The following ZNF704 variants were observed in gnomAD, a reference collection of about 807,000 sequenced individuals.
ZNF704 encodes the protein zinc finger protein 704, also known as glucocorticoid induced gene 1.
A neutral mutation model predicts 44.7 loss-of-function variants in ZNF704; 10 were observed. That is an observed-to-expected ratio of 0.22 (90% CI 0.14 to 0.38). ZNF704 has a LOEUF of 0.38. Ranked by LOEUF, ZNF704 falls within the 10% of genes least tolerant of loss-of-function variation. The pLI, the probability that ZNF704 is intolerant of heterozygous loss-of-function variation, is 1.00. For synonymous variants in ZNF704, 211 were observed against 207.6 expected (o/e 1.02, Z -0.14); for missense variants, 390 against 545.5 (o/e 0.71, Z 2.84).
chr8:80,791,091 A>G (rs1285411748), intron 2 of ZNF704, among the ~76,000 whole-genome samples: 2 of 152,172 alleles, frequency 1.3e-5, no homozygotes, highest in African/African-American at 4.8e-5. Flanking sequence ...GGTTCAGTAA[A>G]TGCATGAAAT....
intron 1 of ZNF704, among the ~76,000 whole-genome samples, chr8:80,830,740 GGT>G (rs1404608491): frequency 6.8e-6 from 1 of 146,908 alleles, no homozygotes; most frequent in Admixed American, 6.8e-5. Context: ...TGATATAGAG[GGT>G]GTGTTTCTTT....
intron 4 of ZNF704, among the ~76,000 whole-genome samples, chr8:80,674,677 A>G (rs1170215205): frequency 1.3e-5 from 2 of 151,924 alleles, no homozygotes; most frequent in African/African-American, 4.8e-5. Flanking sequence ...TGACCCAAAC[A>G]CCTCCCACTA....
At chr8:80,851,596 G>C (rs1403142696) in intron 1 of ZNF704, among the ~76,000 whole-genome samples, 1 of 148,482 alleles carries the variant, frequency 6.7e-6, no homozygotes, top group Non-Finnish European at 1.5e-5. Context: ...AGGGCGGAGG[G>C]ATAGCATTAG....
At chr8:80,642,462 T>C (rs1055166964) in intron 8 of ZNF704, among the ~76,000 whole-genome samples, 1 of 152,180 alleles carries the variant, frequency 6.6e-6, no homozygotes, top group Non-Finnish European at 1.5e-5. Context: ...ACAGTGTAGA[T>C]ACACTGAACA....
At chr8:80,851,054 G>A (rs1015981410) in intron 1 of ZNF704, among the ~76,000 whole-genome samples, 2 of 152,144 alleles carry the variant, frequency 1.3e-5, no homozygotes, top group Non-Finnish European at 1.5e-5. Flanking sequence ...TACACACCTA[G>A]GCTATATGGT....
chr8:80,722,712 A>C (rs899327287), intron 2 of ZNF704, among the ~76,000 whole-genome samples: 3 of 152,158 alleles, frequency 2.0e-5, no homozygotes, highest in Non-Finnish European at 4.4e-5. Flanking sequence ...TAGACTCCTC[A>C]ACTTCTATGT....
At chr8:80,747,795 C>T in intron 2 of ZNF704, among the ~76,000 whole-genome samples, 1 of 152,200 alleles carries the variant, frequency 6.6e-6, no homozygotes, top group Admixed American at 6.5e-5. Flanking sequence ...CGGCTCACTA[C>T]AACCTCCACC....
chr8:80,805,773 G>A (rs1420053636), intron 2 of ZNF704, among the ~76,000 whole-genome samples: 1 of 152,060 alleles, frequency 6.6e-6, no homozygotes, highest in Non-Finnish European at 1.5e-5. Context: ...TCCTAGCATG[G>A]TCAGATTTAC....
At chr8:80,648,576 G>T (rs1817867689) in intron 7 of ZNF704, among the ~76,000 whole-genome samples, 1 of 152,142 alleles carries the variant, frequency 6.6e-6, no homozygotes, top group Non-Finnish European at 1.5e-5. Flanking sequence ...CAGAAAACTT[G>T]CAAAATAAAT....
chr8:80,664,707 C>T lies in ZNF704; in HGVS notation c.927+108G>A, dbSNP rs749819761. ...AGAAAAATCAAAGCTACCGGGCTGC[C>T]GTGTGTGATGCTGTTTTTCCACTGA... is the stretch of plus-strand genomic sequence containing the variant. On this transcript the variant is annotated intron_variant, in intron 6 of 8. Coordinates refer to ENST00000327835, the MANE Select transcript of ZNF704 (RefSeq NM_001033723.3). 2.0e-4 allele frequency: 266 copies of T among 1,354,740 alleles called. 1 individual carries two copies. Among genetic ancestry groups the T allele is most frequent in the Non-Finnish European group, 2.5e-4 (245 of 966,480 alleles). The allele number at this position is 1,354,740 out of a possible 1,614,324, so 83.9% of individuals were successfully genotyped here. A position where few individuals can be genotyped will look rare whatever the true frequency, so the allele number is the denominator to read the frequency against.
At chr8:80,840,500 A>G (rs1275575935) in intron 1 of ZNF704, among the ~76,000 whole-genome samples, 2 of 152,226 alleles carry the variant, frequency 1.3e-5, no homozygotes, top group East Asian at 3.8e-4. Flanking sequence ...AATCATAATA[A>G]TAACAGTTCC....
intron 2 of ZNF704, among the ~76,000 whole-genome samples, chr8:80,815,290 G>A (rs1378325474): frequency 6.6e-6 from 1 of 152,120 alleles, no homozygotes; most frequent in Non-Finnish European, 1.5e-5. Context: ...GAATACTTCT[G>A]GCCAAATTTT....
intron 1 of ZNF704, among the ~76,000 whole-genome samples, chr8:80,845,307 AT>A (rs1808751102): frequency 6.6e-6 from 1 of 152,162 alleles, no homozygotes; most frequent in Admixed American, 6.6e-5. Flanking sequence ...TTGCACTTTG[AT>A]TTCCTCACAC....
intron 2 of ZNF704, among the ~76,000 whole-genome samples, chr8:80,697,925 A>T (rs1294568977): frequency 2.0e-5 from 3 of 152,214 alleles, no homozygotes; most frequent in Non-Finnish European, 4.4e-5. Flanking sequence ...TAACTCTGTA[A>T]GAGCTGGCAA....
intron 2 of ZNF704, among the ~76,000 whole-genome samples, chr8:80,747,864 A>G (rs913695990): frequency 6.6e-6 from 1 of 152,182 alleles, no homozygotes; most frequent in African/African-American, 2.4e-5. Flanking sequence ...CTACAGGTGC[A>G]TGCCACCACA....
chr8:80,665,214 C>T, intron 5 of ZNF704, 132 bp from the exon 6 acceptor site: 1 of 945,420 alleles, frequency 1.1e-6, no homozygotes. Flanking sequence ...TCTTCCTTAT[C>T]CTGCAGCACT....
intron 2 of ZNF704, among the ~76,000 whole-genome samples, chr8:80,805,049 C>T (rs1055000736): frequency 8.5e-5 from 13 of 152,092 alleles, no homozygotes; most frequent in African/African-American, 2.9e-4. Context: ...TCAAATGTAA[C>T]TATAAATGTC....
chr8:80,762,951 T>C (rs1035186354), intron 2 of ZNF704, among the ~76,000 whole-genome samples: 3 of 152,186 alleles, frequency 2.0e-5, no homozygotes, highest in Non-Finnish European at 4.4e-5. Context: ...GGGCAGTTAT[T>C]AAATCTTAAA....
intron 2 of ZNF704, among the ~76,000 whole-genome samples, chr8:80,791,576 A>C (rs1807709241): frequency 6.6e-6 from 1 of 152,210 alleles, no homozygotes; most frequent in African/African-American, 2.4e-5. Flanking sequence ...TTGTTGGAGA[A>C]CATGACTCAC....
Sources: allele counts gnomAD v4.1 joint callset (sites outside exome capture counted in the v4.1 genomes callset), GRCh38; gene constraint gnomAD v4.1.1; transcripts MANE v1.5; gene names NCBI Gene and HGNC (gene_info 2026-07-23, HGNC 2026-07-21).